GPATCH2: variants seen among roughly 807,000 people sequenced by gnomAD.
GPATCH2 encodes G patch domain-containing protein 2.
A neutral mutation model predicts 58.0 loss-of-function variants in GPATCH2; 51 were observed. That is an observed-to-expected ratio of 0.88 (90% CI 0.70 to 1.11). The LOEUF (loss-of-function observed/expected upper bound fraction) is 1.11. Among genes scored for constraint, GPATCH2 ranks in the 50% most tolerant of loss-of-function variants. GPATCH2 has a pLI of 0.00. For synonymous variants in GPATCH2, 222 were observed against 218.5 expected (o/e 1.02, Z -0.14); for missense variants, 625 against 652.2 (o/e 0.96, Z 0.45).
At chr1:217,489,638 A>C (rs1661624403) in intron 8 of GPATCH2, among the ~76,000 whole-genome samples, 1 of 152,160 alleles carries the variant, frequency 6.6e-6, no homozygotes, top group Non-Finnish European at 1.5e-5. Context: ...CAAGGCAAGC[A>C]GATCACCTGA....
chr1:217,523,535 T>C (rs946673869), intron 5 of GPATCH2, among the ~76,000 whole-genome samples: 2 of 151,634 alleles, frequency 1.3e-5, no homozygotes, highest in African/African-American at 4.9e-5. Context: ...GAATTTTTCT[T>C]AGTACAGAAC....
chr1:217,520,841 G>A (rs1394348169), intron 5 of GPATCH2, among the ~76,000 whole-genome samples: 3 of 152,056 alleles, frequency 2.0e-5, no homozygotes, highest in Non-Finnish European at 4.4e-5. Flanking sequence ...TTATTTAAGT[G>A]TATTTACTTA....
chr1:217,612,290 A>G (rs1668672899), intron 3 of GPATCH2, among the ~76,000 whole-genome samples: 1 of 152,178 alleles, frequency 6.6e-6, no homozygotes, highest in African/African-American at 2.4e-5. Context: ...AGAAGCCACC[A>G]CTAATTCTGG....
At chr1:217,510,276 T>G (rs1292129659) in intron 6 of GPATCH2, among the ~76,000 whole-genome samples, 1 of 152,074 alleles carries the variant, frequency 6.6e-6, no homozygotes, top group Non-Finnish European at 1.5e-5. Flanking sequence ...ATTATCAACA[T>G]GTTGATAATT....
chr1:217,602,700 A>G (rs992395155), intron 5 of GPATCH2, among the ~76,000 whole-genome samples: 1 of 152,162 alleles, frequency 6.6e-6, no homozygotes, highest in African/African-American at 2.4e-5. Context: ...TGAGAAACAT[A>G]CAAAGGGAAG....
Position 217,449,262 on chromosome 1 carries a change from T to A in GPATCH2, c.1353A>T (p.Gly451=). ...CTTTTGTTTTACCTGCAGTAGTAGG[T>A]CCAGGCAAAGGTGCAGCTTTTCTTC... The part of the protein sequence containing the change: ...KRRRKAAPLP[G]PTTAGFVGEN... Residue 451 remains glycine (G), a synonymous_variant, in exon 9 of 10, where the codon GGA becomes GGT. Coordinates refer to ENST00000366935, the MANE Select transcript of GPATCH2 (RefSeq NM_018040.5). 1 of 1,593,810 alleles carries A rather than the reference T, an allele frequency of 6.3e-7. No individual in the cohort carries two copies. Among genetic ancestry groups the A allele is most frequent in the Non-Finnish European group, 8.6e-7 (1 of 1,161,404 alleles).
At chr1:217,482,052 T>TGAGA (rs146272478) in intron 8 of GPATCH2, among the ~76,000 whole-genome samples, 2 of 149,990 alleles carry the variant, frequency 1.3e-5, no homozygotes, top group African/African-American at 4.9e-5. Flanking sequence ...ATAAGTAAAC[T>TGAGA]GAGAGAGAGA....
chr1:217,594,279 C>T (rs1379167626), intron 5 of GPATCH2, among the ~76,000 whole-genome samples: 2 of 151,982 alleles, frequency 1.3e-5, no homozygotes, highest in Non-Finnish European at 2.9e-5. Context: ...AGAACAGTTA[C>T]AAAACATTTT....
rs146626904 is a variant in GPATCH2, at chr1:217,500,076, T to C, written c.1167-1681A>G. On this transcript the variant is annotated intron_variant, in intron 6 of 9. Coordinates refer to ENST00000366935, the MANE Select transcript of GPATCH2 (RefSeq NM_018040.5). The stretch of plus-strand genomic sequence containing the variant: ...TCAATTGTAAATACAGACATTATTA[T>C]GACTACATGAATACTTTCTGCTACT... 4.6e-5 allele frequency among the ~76,000 whole-genome samples: 7 copies of C among 152,262 alleles called. No individual in the cohort carries two copies. The East Asian group carries it at 1.4e-3, about 29-fold the overall frequency.
intron 8 of GPATCH2, among the ~76,000 whole-genome samples, chr1:217,468,886 T>C (rs59004800): frequency 0.019 from 2,883 of 152,214 alleles, 94 homozygotes; most frequent in African/African-American, 0.066. Context: ...ATTTTGTCTG[T>C]ATTTCTGTAT....
chr1:217,578,324 T>C (rs977941040), intron 5 of GPATCH2, among the ~76,000 whole-genome samples: 6 of 152,088 alleles, frequency 3.9e-5, no homozygotes, highest in Admixed American at 6.5e-5. Flanking sequence ...AAAGAACTCC[T>C]AGGCCCAAGG....
At chr1:217,609,514 T>C (rs1668527733) in intron 5 of GPATCH2, 9 of 984,168 alleles carry the variant, frequency 9.1e-6, no homozygotes, top group Admixed American at 6.2e-5. Context: ...TGCAGTACAA[T>C]GAAAGCTATA....
At chr1:217,466,088 C>A (rs1397706235) in intron 8 of GPATCH2, among the ~76,000 whole-genome samples, 1 of 152,086 alleles carries the variant, frequency 6.6e-6, no homozygotes, top group Non-Finnish European at 1.5e-5. Context: ...ACAGTTCATG[C>A]ATAAACTGCT....
Position 217,430,782 on chromosome 1 carries a change from T to C in GPATCH2, c.*363A>G, listed in dbSNP as rs166449. ...TTCCTGTCTATTCCATTTTAGAAACTGGTGGGTGTGCTCACGTTTGTCTGG... is the reference window on the plus strand; with the variant it reads ...TTCCTGTCTATTCCATTTTAGAAACCGGTGGGTGTGCTCACGTTTGTCTGG... On this transcript the variant is annotated 3_prime_UTR_variant, in exon 10 of 10. Coordinates refer to ENST00000366935, the MANE Select transcript of GPATCH2 (RefSeq NM_018040.5). 95,312 of 223,178 alleles carry C rather than the reference T, an allele frequency of 0.43. 22,509 individuals are homozygous for C. Among genetic ancestry groups the C allele is most frequent in the African/African-American group, 0.62 (26,856 of 43,544 alleles). The allele number at this position is 223,178 out of a possible 1,614,324, so 13.8% of individuals were successfully genotyped here. A position where few individuals can be genotyped will look rare whatever the true frequency, so the allele number is the denominator to read the frequency against.
In GPATCH2 at chr1:217,630,938, C is replaced by G. The variant is rs1477771976; in HGVS notation, c.34G>C (p.Ala12Pro). 3.1e-6 allele frequency: 5 copies of G among 1,590,546 alleles called. No homozygotes were observed. Among genetic ancestry groups the G allele is most frequent in the Non-Finnish European group, 4.3e-6 (5 of 1,173,638 alleles). The change falls in exon 1 of 10, where the codon GCT (alanine) becomes CCT (proline). Residue 12 changes from alanine (A) to proline (P), a missense_variant. Ala to Pro is a conservative substitution (Grantham distance 27). Coordinates refer to ENST00000366935, the MANE Select transcript of GPATCH2 (RefSeq NM_018040.5). ...CACCAGCTGTTCCCGGCTGCTGGAG[C>G]TCCGATCGGTTGGCGCCCGGCGGCC... Reference protein sequence around the residue: ...FGAAGRQPIGAPAAGNSWHFS... With the variant: ...FGAAGRQPIGPPAAGNSWHFS...
rs552053138 is a variant in GPATCH2, at chr1:217,440,723, G to T, written c.1366+8526C>A. On this transcript the variant is annotated intron_variant, in intron 9 of 9. Transcript: ENST00000366935. Reference sequence around the variant, plus strand: ...GCATTCCTATACACCAATAACAAACGGAGAGCCAAATCATGAGTGAACTCC... The same window carrying T: ...GCATTCCTATACACCAATAACAAACTGAGAGCCAAATCATGAGTGAACTCC... 3.3e-5 allele frequency among the ~76,000 whole-genome samples: 5 copies of T among 151,060 alleles called. No individual in the cohort carries two copies. The East Asian group carries it at 9.8e-4, about 29-fold the overall frequency.
chr1:217,571,973 G>GA (rs1206143231), intron 5 of GPATCH2, among the ~76,000 whole-genome samples: 7 of 125,150 alleles, frequency 5.6e-5, no homozygotes, highest in African/African-American at 2.1e-4. Flanking sequence ...AGGAAGGAAA[G>GA]AAAGAAAGAA....
intron 5 of GPATCH2, among the ~76,000 whole-genome samples, chr1:217,560,782 A>T (rs554087038): frequency 1.3e-5 from 2 of 152,326 alleles, no homozygotes; most frequent in African/African-American, 4.8e-5. Context: ...AGTTAGTAGC[A>T]TTCCCAACCC....
chr1:217,434,575 T>C (rs1054790869), intron 9 of GPATCH2, among the ~76,000 whole-genome samples: 1 of 152,238 alleles, frequency 6.6e-6, no homozygotes, highest in African/African-American at 2.4e-5. Flanking sequence ...CAGAGGTCTA[T>C]TGCTGCTCTG....
Sources: gnomAD v4.1 joint callset for allele counts (sites outside exome capture counted in the v4.1 genomes callset) on GRCh38, gnomAD v4.1.1 for gene constraint, MANE v1.5 for transcripts, NCBI Gene and HGNC (gene_info 2026-07-23, HGNC 2026-07-21) for gene names.